The following SEL1L3 variants were observed in gnomAD, a reference collection of about 807,000 sequenced individuals.
The protein encoded by SEL1L3 is SEL1L family member 3.
In SEL1L3, 76 loss-of-function variants were observed where a neutral mutation model predicts 142.8. The observed-to-expected ratio is 0.53, with a 90% CI of 0.44 to 0.64. The LOEUF (loss-of-function observed/expected upper bound fraction) is 0.64, where lower values mean the gene tolerates loss of function less well. Among genes scored for constraint, SEL1L3 ranks in the 30% least tolerant of loss-of-function variants. The pLI, the probability that SEL1L3 is intolerant of heterozygous loss-of-function variation, is 0.00. For missense variants in SEL1L3, 1,262 were observed against 1,381.7 expected, an observed-to-expected ratio of 0.91 and a Z score of 1.37; for synonymous variants, 504 against 519.6, an observed-to-expected ratio of 0.97 and a Z score of 0.41.
At chr4:25,785,512 T>G (rs16877551) in intron 13 of SEL1L3, among the ~76,000 whole-genome samples, 5,994 of 152,322 alleles carry the variant, frequency 0.039, 361 homozygotes, top group African/African-American at 0.13. Context: ...CTGTGTATCT[T>G]TCAGGACCCC....
intron 13 of SEL1L3, among the ~76,000 whole-genome samples, chr4:25,784,758 C>T (rs1398063038): frequency 1.3e-5 from 2 of 152,254 alleles, no homozygotes; most frequent in African/African-American, 2.4e-5. Flanking sequence ...AGAATCAGCT[C>T]AAGAACTGGC....
Position 25,784,255 on chromosome 4 carries a change from T to C in SEL1L3, c.2253A>G (p.Leu751=). 6.2e-7 allele frequency: 1 copy of C among 1,613,808 alleles called. No homozygotes were observed. Among genetic ancestry groups the C allele is most frequent in the Non-Finnish European group, 8.5e-7 (1 of 1,179,724 alleles). ...TGGAAGCTGCTTTCTTCATCAGCTC[T>C]AAGGCAAGCCGTCTGTTCTTTTTTA... The part of the protein sequence containing the change: ...QGVKKNRRLA[L]ELMKKAASKG... Residue 751 remains leucine, a synonymous_variant, in exon 14 of 24, where the codon TTA becomes TTG. Transcript: ENST00000399878.
intron 23 of SEL1L3, 129 bp from the exon 24 acceptor site, chr4:25,748,693 C>T (rs1472303802): frequency 1.1e-6 from 1 of 877,752 alleles, no homozygotes; most frequent in Admixed American, 2.8e-5. Context: ...ACTAACTAGC[C>T]AGGCAACTCT....
intron 17 of SEL1L3, 30 bp downstream of exon 17, chr4:25,776,247 A>T (rs768197549): frequency 2.7e-6 from 4 of 1,484,330 alleles, no homozygotes; most frequent in Non-Finnish European, 3.7e-6. Context: ...CAGGGAAAAA[A>T]GTTTGCTCTA....
the SEL1L3 span, among the ~76,000 whole-genome samples, chr4:25,730,177 G>A: frequency 6.6e-5 from 10 of 151,926 alleles, no homozygotes; most frequent in African/African-American, 1.7e-4. Context: ...CAAGTGACCC[G>A]CCCACCTCGG....
At chr4:25,736,383 C>A in the SEL1L3 span, among the ~76,000 whole-genome samples, 1 of 151,778 alleles carries the variant, frequency 6.6e-6, no homozygotes, top group East Asian at 1.9e-4. Flanking sequence ...ACCACCACGC[C>A]TAGCTAATTT....
At chr4:25,805,548 G>A (rs531285198) in intron 9 of SEL1L3, among the ~76,000 whole-genome samples, 59 of 152,058 alleles carry the variant, frequency 3.9e-4, no homozygotes, top group African/African-American at 1.2e-3. Context: ...TTTACCACGC[G>A]GATAGAGACT....
intron 6 of SEL1L3, among the ~76,000 whole-genome samples, chr4:25,826,014 C>T (rs998470619): frequency 1.4e-4 from 21 of 152,074 alleles, no homozygotes; most frequent in African/African-American, 4.8e-4. Flanking sequence ...CTCAAGCTAC[C>T]TTATCCATTT....
the SEL1L3 span, among the ~76,000 whole-genome samples, chr4:25,728,201 C>G: frequency 1.3e-5 from 2 of 152,158 alleles, no homozygotes; most frequent in East Asian, 3.9e-4. Context: ...GATGCTCAAG[C>G]TGTTTACTGC....
the SEL1L3 span, among the ~76,000 whole-genome samples, chr4:25,732,398 G>T: frequency 5.3e-5 from 8 of 152,168 alleles, no homozygotes; most frequent in African/African-American, 1.7e-4. Context: ...AAGTGTATGA[G>T]TAACATTGAA....
chr4:25,847,008 C>G (rs564572442), intron 2 of SEL1L3, among the ~76,000 whole-genome samples: 108 of 150,898 alleles, frequency 7.2e-4, no homozygotes, highest in Non-Finnish European at 1.0e-3. Flanking sequence ...GGCATGAATA[C>G]TCCTTTCCAG....
chr4:25,749,090 G>C (rs539622956), intron 23 of SEL1L3, among the ~76,000 whole-genome samples: 8 of 152,166 alleles, frequency 5.3e-5, no homozygotes. Context: ...AACTGGGTTG[G>C]ACAAGCCTCA....
chr4:25,746,949 G>A (rs10015449), downstream of SEL1L3, among the ~76,000 whole-genome samples: 12,456 of 151,922 alleles, frequency 0.082, 651 homozygotes, highest in African/African-American at 0.14. Context: ...AGTTTTCATC[G>A]CCCCATTTTA....
intron 2 of SEL1L3, among the ~76,000 whole-genome samples, chr4:25,843,296 A>G (rs1373723261): frequency 6.6e-6 from 1 of 152,076 alleles, no homozygotes; most frequent in East Asian, 1.9e-4. Flanking sequence ...GGAGGGTACG[A>G]CGGGCAAAAC....
At chr4:25,831,395 G>A (rs1715424997) in intron 5 of SEL1L3, among the ~76,000 whole-genome samples, 1 of 151,414 alleles carries the variant, frequency 6.6e-6, no homozygotes, top group African/African-American at 2.4e-5. Context: ...TCCAACCAGA[G>A]AAATCTTCTC....
rs1369194264 is a variant in SEL1L3, at chr4:25,748,171, G to C, written c.*254C>G. 1 of 472,202 alleles carries C rather than the reference G, an allele frequency of 2.1e-6. No homozygotes were observed. Among genetic ancestry groups the C allele is most frequent in the Non-Finnish European group, 3.8e-6 (1 of 261,834 alleles). 29.3% of individuals were successfully genotyped at this position (472,202 alleles called of 1,614,324 possible). The stretch of plus-strand genomic sequence containing the variant: ...ATCACTAGAACAAAAGTCTGTGATG[G>C]CCCAGTAAACTTCCCCACATGCCCT... On this transcript the variant is annotated 3_prime_UTR_variant, in exon 24 of 24. Transcript: ENST00000399878.
rs1484036505 is a variant in SEL1L3, at chr4:25,835,330, A to G, written c.734-7T>C. The G allele has an allele frequency of 4.3e-6, 7 of 1,612,924 alleles. No homozygotes were observed. In the South Asian group the frequency reaches 7.7e-5, roughly 18 times the overall value. On this transcript the variant is annotated splice_polypyrimidine_tract_variant and splice_region_variant and intron_variant, in intron 2 of 23. Coordinates refer to ENST00000399878, the MANE Select transcript of SEL1L3 (RefSeq NM_015187.5). ...CCAAGCAGGGCAACCACATCTGCAA[A>G]CAGCAAAATGGCTCCCTTTCAATTA...
intron 11 of SEL1L3, among the ~76,000 whole-genome samples, chr4:25,795,541 T>C (rs1304279516): frequency 6.6e-6 from 1 of 152,234 alleles, no homozygotes; most frequent in African/African-American, 2.4e-5. Context: ...TTATCTGTGC[T>C]GTAACAACAT....
intron 13 of SEL1L3, among the ~76,000 whole-genome samples, chr4:25,787,229 C>T (rs535129130): frequency 2.0e-5 from 3 of 152,320 alleles, no homozygotes; most frequent in South Asian, 2.1e-4. Context: ...AATCATAATA[C>T]ACCAAGGTAC....
Sources: gnomAD v4.1 joint callset for allele counts (sites outside exome capture counted in the v4.1 genomes callset) on GRCh38, gnomAD v4.1.1 for gene constraint, MANE v1.5 for transcripts, NCBI Gene and HGNC (gene_info 2026-07-23, HGNC 2026-07-21) for gene names.